The following UNC5C variants were observed in gnomAD, a reference collection of about 807,000 sequenced individuals.
UNC5C encodes the protein unc-5 netrin receptor C.
A neutral mutation model predicts 99.8 loss-of-function variants in UNC5C; 47 were observed. The ratio of observed to expected loss-of-function variants is 0.47; its 90% CI spans 0.37 to 0.60. The LOEUF is 0.60. UNC5C is among the 20% of genes least tolerant of loss of function. The pLI, the probability that UNC5C is intolerant of heterozygous loss-of-function variation, is 0.00. For synonymous variants in UNC5C, 487 were observed against 452.2 expected, an observed-to-expected ratio of 1.08 and a Z score of -0.98; for missense variants, 1,062 against 1,165.9, an observed-to-expected ratio of 0.91 and a Z score of 1.30.
At chr4:95,471,418 T>G (rs1394931809) in intron 1 of UNC5C, among the ~76,000 whole-genome samples, 4 of 152,070 alleles carry the variant, frequency 2.6e-5, no homozygotes, top group African/African-American at 7.2e-5. Context: ...ATAAAGGGAT[T>G]TCCTGGGTAA....
chr4:95,242,036 C>T (rs1739343908), intron 7 of UNC5C, among the ~76,000 whole-genome samples: 1 of 152,144 alleles, frequency 6.6e-6, no homozygotes, highest in Admixed American at 6.5e-5. Flanking sequence ...ATTTTACACT[C>T]CATGGACATT....
chr4:95,427,100 C>G (rs1268521592), intron 1 of UNC5C, among the ~76,000 whole-genome samples: 1 of 152,058 alleles, frequency 6.6e-6, no homozygotes, highest in Non-Finnish European at 1.5e-5. Context: ...GTGGAGGAAG[C>G]AATTGCAGAT....
chr4:95,456,165 G>A (rs1318256276), intron 1 of UNC5C, among the ~76,000 whole-genome samples: 2 of 151,968 alleles, frequency 1.3e-5, no homozygotes, highest in Non-Finnish European at 2.9e-5. Flanking sequence ...ATAATTATAA[G>A]GCAATGAAAG....
rs1470524928 is a variant in UNC5C at position 95,164,493 on chromosome 4, AAAG to A, written c.*4738_*4740del. The A allele has an allele frequency of 3.3e-4, 50 of 152,344 alleles. No individual in the cohort carries two copies. The highest frequency in any genetic ancestry group is 7.7e-4 in the East Asian group (4 of 5,184). The allele number at this position is 152,344 out of a possible 1,614,324, so 9.4% of individuals were successfully genotyped here. ...CAGTCAATACTAGCTCAGCAAGGTT[AAAG>A]AATATATAAAAATAATACAAAAAGA... On this transcript the variant is annotated 3_prime_UTR_variant, in exon 16 of 16. Coordinates refer to ENST00000453304, the MANE Select transcript of UNC5C (RefSeq NM_003728.4).
chr4:95,224,814 G>GAGAT (rs1316272144), intron 7 of UNC5C, among the ~76,000 whole-genome samples: 1 of 150,712 alleles, frequency 6.6e-6, no homozygotes. Flanking sequence ...AATGTGTTTG[G>GAGAT]AGATATCAGG....
chr4:95,362,356 G>A (rs1314850233), intron 1 of UNC5C, among the ~76,000 whole-genome samples: 5 of 152,222 alleles, frequency 3.3e-5, no homozygotes, highest in African/African-American at 1.2e-4. Context: ...TGCTGTGATG[G>A]GGAGAAAATG....
chr4:95,449,103 G>T (rs565569975), intron 1 of UNC5C, among the ~76,000 whole-genome samples: 2 of 152,246 alleles, frequency 1.3e-5, no homozygotes, highest in East Asian at 3.9e-4. Flanking sequence ...AAAGACACTT[G>T]AAATATTGCT....
At chr4:95,326,806 A>T (rs1374775435) in intron 2 of UNC5C, among the ~76,000 whole-genome samples, 1 of 152,114 alleles carries the variant, frequency 6.6e-6, no homozygotes, top group Non-Finnish European at 1.5e-5. Flanking sequence ...TTGGAGAATA[A>T]ATTTTTGTTT....
chr4:95,397,019 G>T (rs1424621983), intron 1 of UNC5C, among the ~76,000 whole-genome samples: 1 of 152,096 alleles, frequency 6.6e-6, no homozygotes, highest in Non-Finnish European at 1.5e-5. Flanking sequence ...TGCATTCAGG[G>T]TCGAGGAAGC....
At chr4:95,422,546 C>G (rs12644492) in intron 1 of UNC5C, among the ~76,000 whole-genome samples, 1 of 137,918 alleles carries the variant, frequency 7.3e-6, no homozygotes, top group Non-Finnish European at 1.6e-5. Context: ...GATTTGCAAC[C>G]GGGGGCTGTA....
At chr4:95,472,648 A>G (rs1440528788) in intron 1 of UNC5C, among the ~76,000 whole-genome samples, 2 of 152,018 alleles carry the variant, frequency 1.3e-5, no homozygotes, top group African/African-American at 4.8e-5. Context: ...TCACCTTTCA[A>G]TCATTTGTGT....
chr4:95,514,970 C>T (rs768331446), intron 1 of UNC5C, among the ~76,000 whole-genome samples: 1 of 152,012 alleles, frequency 6.6e-6, no homozygotes, highest in Non-Finnish European at 1.5e-5. Flanking sequence ...CCATGCCTGG[C>T]CCTAAATGAG....
intron 14 of UNC5C, among the ~76,000 whole-genome samples, chr4:95,177,203 A>C (rs1001523178): frequency 5.9e-5 from 9 of 152,272 alleles, no homozygotes; most frequent in Non-Finnish European, 7.4e-5. Flanking sequence ...CACCCATCTT[A>C]TGCGTCGCTC....
intron 7 of UNC5C, among the ~76,000 whole-genome samples, chr4:95,234,247 C>T (rs888477939): frequency 6.6e-6 from 1 of 152,084 alleles, no homozygotes; most frequent in Non-Finnish European, 1.5e-5. Flanking sequence ...GTACACAGTA[C>T]AACTGGTCTT....
chr4:95,176,985 G>C (rs373089680), intron 14 of UNC5C, among the ~76,000 whole-genome samples: 2 of 152,160 alleles, frequency 1.3e-5, no homozygotes, highest in East Asian at 1.9e-4. Flanking sequence ...GCAGTACTTG[G>C]GGGGGAGTGA....
chr4:95,380,382 A>G (rs1745034234), intron 1 of UNC5C, among the ~76,000 whole-genome samples: 1 of 152,074 alleles, frequency 6.6e-6, no homozygotes, highest in African/African-American at 2.4e-5. Context: ...GAATCTTGAG[A>G]TCACTAATAC....
chr4:95,230,318 G>T (rs1209339494), intron 7 of UNC5C, among the ~76,000 whole-genome samples: 10 of 151,998 alleles, frequency 6.6e-5, no homozygotes, highest in Non-Finnish European at 1.3e-4. Context: ...ATTTGTTTAA[G>T]TTCCTTGTTG....
intron 2 of UNC5C, among the ~76,000 whole-genome samples, chr4:95,310,807 G>C (rs1037449814): frequency 6.9e-6 from 1 of 145,874 alleles, no homozygotes; most frequent in Non-Finnish European, 1.6e-5. Context: ...AACTGGGTTG[G>C]GGGGGGATTT....
At chr4:95,514,749 T>C (rs1722170890) in intron 1 of UNC5C, among the ~76,000 whole-genome samples, 1 of 151,782 alleles carries the variant, frequency 6.6e-6, no homozygotes, top group African/African-American at 2.4e-5. Flanking sequence ...CTTGGCTCAC[T>C]GCAACCTCTG....
Sources: allele counts gnomAD v4.1 joint callset (sites outside exome capture counted in the v4.1 genomes callset), GRCh38; gene constraint gnomAD v4.1.1; transcripts MANE v1.5; gene names NCBI Gene and HGNC (gene_info 2026-07-23, HGNC 2026-07-21).